GLIS1: variants seen among roughly 807,000 people sequenced by gnomAD.
The protein encoded by GLIS1 is GLIS family zinc finger 1.
In GLIS1, 24 loss-of-function variants were observed where a neutral mutation model predicts 63.8. That is an observed-to-expected ratio of 0.38 (90% CI 0.27 to 0.53). The LOEUF (loss-of-function observed/expected upper bound fraction) is 0.53. Ranked by LOEUF, GLIS1 falls within the 20% of genes least tolerant of loss-of-function variation. GLIS1 has a pLI of 0.85. For synonymous variants in GLIS1, 450 were observed against 482.5 expected (o/e 0.93, Z 0.88); for missense variants, 1,036 against 1,074.1 (o/e 0.96, Z 0.50).
chr1:53,697,018 T>C (rs932677638), intron 2 of GLIS1, among the ~76,000 whole-genome samples: 12 of 151,772 alleles, frequency 7.9e-5, no homozygotes. Flanking sequence ...AGTATTTTTA[T>C]AGGAGGTGTG....
At chr1:53,668,591 C>A (rs1646119507) in intron 2 of GLIS1, among the ~76,000 whole-genome samples, 2 of 152,176 alleles carry the variant, frequency 1.3e-5, no homozygotes, top group Admixed American at 6.5e-5. Context: ...AAACTCCTGA[C>A]CTCAGATAAT....
At chr1:53,582,979 A>C (rs964031607) in intron 4 of GLIS1, among the ~76,000 whole-genome samples, 27 of 152,190 alleles carry the variant, frequency 1.8e-4, no homozygotes, top group African/African-American at 6.5e-4. Context: ...GACTCTCTTA[A>C]GCTCCAATCA....
chr1:53,594,781 A>C lies in GLIS1; in HGVS notation c.647T>G (p.Leu216Arg). The change falls in exon 4 of 11, where the codon CTG becomes CGG. Residue 216 changes from leucine to arginine, a missense_variant. Physicochemically the swap from Leu to Arg is moderately radical, Grantham distance 102. This residue lies in a region of GLIS1 where 592 missense variants were observed against 593.9 expected (regional missense o/e 1.00). Transcript: ENST00000628545. ...LATPAPSCYL[L>R]GSEPSSGLGL... is the part of the protein sequence containing the mutation. Reference sequence around the variant, plus strand: ...CAGGCCAGAGCTGGGTTCGCTGCCCAGAAGGTAGCAGGAAGGCGCAGGGGT... The same window carrying C: ...CAGGCCAGAGCTGGGTTCGCTGCCCCGAAGGTAGCAGGAAGGCGCAGGGGT... The C allele has an allele frequency of 6.2e-7, 1 of 1,604,200 alleles. No individual in the cohort carries two copies. Among genetic ancestry groups the C allele is most frequent in the Non-Finnish European group, 8.5e-7 (1 of 1,175,562 alleles).
chr1:53,666,847 T>A (rs1646098885), intron 2 of GLIS1, among the ~76,000 whole-genome samples: 1 of 152,152 alleles, frequency 6.6e-6, no homozygotes, highest in Non-Finnish European at 1.5e-5. Flanking sequence ...GCCTCCTTTC[T>A]TAGTGATCTC....
intron 2 of GLIS1, among the ~76,000 whole-genome samples, chr1:53,736,441 G>A (rs149966339): frequency 1.6e-4 from 24 of 152,294 alleles, no homozygotes; most frequent in African/African-American, 5.8e-4. Flanking sequence ...AACGTTGCAG[G>A]AGGGTATCTA....
At chr1:53,679,818 G>A (rs914939618) in intron 2 of GLIS1, among the ~76,000 whole-genome samples, 4 of 152,198 alleles carry the variant, frequency 2.6e-5, no homozygotes, top group African/African-American at 9.7e-5. Context: ...GACAATGCTG[G>A]CCCAACTTTT....
At chr1:53,593,820 G>A (rs568215856) in intron 4 of GLIS1, among the ~76,000 whole-genome samples, 123 of 152,244 alleles carry the variant, frequency 8.1e-4, no homozygotes, top group Non-Finnish European at 1.4e-3. Context: ...AATCGCATGT[G>A]CACACAGCCC....
chr1:53,596,278 G>A (rs536745452), intron 3 of GLIS1, among the ~76,000 whole-genome samples: 1 of 152,336 alleles, frequency 6.6e-6, no homozygotes, highest in South Asian at 2.1e-4. Flanking sequence ...TGAGTGGGGG[G>A]ACCAGGTAAG....
chr1:53,706,337 T>C (rs1056169490), intron 2 of GLIS1, among the ~76,000 whole-genome samples: 9 of 152,226 alleles, frequency 5.9e-5, no homozygotes, highest in African/African-American at 1.9e-4. Context: ...GGAAAGCACT[T>C]ACATGACAGA....
rs1431331092 is a variant in GLIS1 at position 53,522,996 on chromosome 1, T to C, written c.1593+1781A>G. Among the ~76,000 whole-genome samples, 2 of 146,548 alleles carry C rather than the reference T, an allele frequency of 1.4e-5. 1 individual carries two copies. Among genetic ancestry groups the C allele is most frequent in the Non-Finnish European group, 3.0e-5 (2 of 66,540 alleles). On this transcript the variant is annotated intron_variant, in intron 6 of 10. Transcript: ENST00000628545. ...TCTTTTCTTTTCTTTCTTTTTTTTT[T>C]TTTTTTTTTGAGACAGGGTCTTGCT...
chr1:53,728,515 A>G (rs1425452993), intron 2 of GLIS1, among the ~76,000 whole-genome samples: 1 of 152,150 alleles, frequency 6.6e-6, no homozygotes, highest in African/African-American at 2.4e-5. Flanking sequence ...AAGGTCCCCA[A>G]GTTAGTACAC....
At chr1:53,715,507 C>T (rs1027480495) in intron 2 of GLIS1, among the ~76,000 whole-genome samples, 2 of 152,110 alleles carry the variant, frequency 1.3e-5, no homozygotes, top group African/African-American at 4.8e-5. Flanking sequence ...GTGACGCTGT[C>T]GAATGACTGA....
chr1:53,702,891 G>T (rs1354605429), intron 2 of GLIS1, among the ~76,000 whole-genome samples: 4 of 152,188 alleles, frequency 2.6e-5, no homozygotes, highest in Non-Finnish European at 5.9e-5. Context: ...GGCACTGAAG[G>T]CCACCGTGGC....
chr1:53,648,527 C>T (rs1433417145), intron 2 of GLIS1, among the ~76,000 whole-genome samples: 2 of 152,138 alleles, frequency 1.3e-5, no homozygotes, highest in Non-Finnish European at 2.9e-5. Context: ...TAGAAGTACA[C>T]GTATATGCAC....
intron 2 of GLIS1, among the ~76,000 whole-genome samples, chr1:53,600,758 G>A (rs935260135): frequency 2.0e-5 from 3 of 152,210 alleles, no homozygotes; most frequent in Admixed American, 6.5e-5. Context: ...CAAGGAGTAC[G>A]TGCTCACTAA....
chr1:53,590,392 C>CA (rs944019039), intron 4 of GLIS1, among the ~76,000 whole-genome samples: 1 of 152,110 alleles, frequency 6.6e-6, no homozygotes, highest in Non-Finnish European at 1.5e-5. Flanking sequence ...AACTCTTCAC[C>CA]AAAGTAAGGG....
intron 2 of GLIS1, among the ~76,000 whole-genome samples, chr1:53,718,194 A>G (rs1646719100): frequency 6.6e-6 from 1 of 152,326 alleles, no homozygotes; most frequent in East Asian, 1.9e-4. Context: ...TTTTAATAAA[A>G]TCTCTTCTCT....
chr1:53,644,627 C>G (rs6682763), intron 2 of GLIS1, among the ~76,000 whole-genome samples: 1 of 152,102 alleles, frequency 6.6e-6, no homozygotes, highest in South Asian at 2.1e-4. Flanking sequence ...GTGGGCACCA[C>G]AGAGTGGTGA....
At chr1:53,706,234 CT>C (rs1340155215) in intron 2 of GLIS1, among the ~76,000 whole-genome samples, 2 of 152,170 alleles carry the variant, frequency 1.3e-5, no homozygotes, top group African/African-American at 4.8e-5. Flanking sequence ...TTCCTACAAA[CT>C]GCAGTCAACA....
Sources: gnomAD v4.1 joint callset for allele counts (sites outside exome capture counted in the v4.1 genomes callset) on GRCh38, gnomAD v4.1.1 for gene constraint, gnomAD v4.1.1 regional missense constraint, MANE v1.5 for transcripts, NCBI Gene and HGNC (gene_info 2026-07-23, HGNC 2026-07-21) for gene names.